CSMD1: variants seen among roughly 807,000 people sequenced by gnomAD.
The protein encoded by CSMD1 is CUB and Sushi multiple domains 1.
In CSMD1, 213 loss-of-function variants were observed where a neutral mutation model predicts 417.5. That is an observed-to-expected ratio of 0.51 (90% CI 0.46 to 0.57). CSMD1 has a LOEUF of 0.57. CSMD1 is among the 20% of genes least tolerant of loss of function. The pLI is 0.00. For missense variants in CSMD1, 6,923 were observed against 4,529.7 expected (o/e 1.53, Z -15.17); for synonymous variants, 2,862 against 1,736.8 (o/e 1.65, Z -16.11).
intron 5 of CSMD1, among the ~76,000 whole-genome samples, chr8:3,787,449 C>T (rs753731474): frequency 1.3e-5 from 2 of 151,884 alleles, no homozygotes; most frequent in Non-Finnish European, 2.9e-5. Context: ...AAATGATATA[C>T]AATAATTCAT....
intron 10 of CSMD1, among the ~76,000 whole-genome samples, chr8:3,517,855 C>G (rs566283526): frequency 6.7e-4 from 102 of 152,304 alleles, no homozygotes; most frequent in Non-Finnish European, 1.2e-3. Context: ...AAATCCTCAA[C>G]TGCAGGCTTA....
At chr8:4,682,994 A>ATAGT (rs1390695448) in intron 1 of CSMD1, among the ~76,000 whole-genome samples, 2 of 131,802 alleles carry the variant, frequency 1.5e-5, no homozygotes, top group East Asian at 4.3e-4. Flanking sequence ...ATATATATAT[A>ATAGT]GTCACACATA....
chr8:3,313,750 C>A (rs1357134197), intron 23 of CSMD1, among the ~76,000 whole-genome samples: 2 of 152,112 alleles, frequency 1.3e-5, no homozygotes, highest in African/African-American at 4.8e-5. Flanking sequence ...TACCATTTGA[C>A]CCAGCCATCC....
chr8:4,932,799 G>C (rs1256737895), intron 1 of CSMD1, among the ~76,000 whole-genome samples: 2 of 152,168 alleles, frequency 1.3e-5, no homozygotes, highest in African/African-American at 2.4e-5. Flanking sequence ...ATTCAATAGA[G>C]TTTTACCCCT....
chr8:4,907,783 C>G (rs978023923), intron 1 of CSMD1, among the ~76,000 whole-genome samples: 1 of 151,220 alleles, frequency 6.6e-6, no homozygotes, highest in Non-Finnish European at 1.5e-5. Context: ...CCAGGCTGCT[C>G]CGAAACCCCT....
rs904435865 is a variant in CSMD1 at position 3,118,676 on chromosome 8, T to G, written c.6242-89A>C. 8.6e-6 allele frequency: 10 copies of G among 1,165,682 alleles called. No homozygotes were observed. In the African/African-American group the frequency reaches 1.5e-4, roughly 18 times the overall value. 72.2% of individuals were successfully genotyped at this position (1,165,682 alleles called of 1,614,324 possible). A position where few individuals can be genotyped will look rare whatever the true frequency, so the allele number is the denominator to read the frequency against. On this transcript the variant is annotated intron_variant, in intron 41 of 69. Coordinates refer to ENST00000635120, the MANE Select transcript of CSMD1 (RefSeq NM_033225.6). ...CAGGAGTGTCATCACATGTGACTGC[T>G]TGAGATGAAGTTGTTGGATAAGTTT...
At chr8:3,567,903 C>A (rs551091028) in intron 10 of CSMD1, among the ~76,000 whole-genome samples, 2 of 152,256 alleles carry the variant, frequency 1.3e-5, no homozygotes. Context: ...TCCTTCCACA[C>A]ATCATCACAC....
intron 12 of CSMD1, among the ~76,000 whole-genome samples, chr8:3,423,249 T>C (rs185849926): frequency 2.5e-4 from 38 of 152,296 alleles, no homozygotes; most frequent in African/African-American, 8.4e-4. Context: ...CTAAAGGTTA[T>C]AGTCATGTAT....
chr8:4,341,218 G>C (rs776457316), intron 3 of CSMD1, among the ~76,000 whole-genome samples: 4 of 152,040 alleles, frequency 2.6e-5, no homozygotes, highest in Non-Finnish European at 5.9e-5. Context: ...AGTTTCCATG[G>C]TACTAGCAAT....
intron 3 of CSMD1, among the ~76,000 whole-genome samples, chr8:4,302,809 G>A (rs77112610): frequency 0.018 from 2,689 of 152,266 alleles, 38 homozygotes; most frequent in South Asian, 0.049. Flanking sequence ...AAGCCAGAGA[G>A]TGAAGTCACA....
At chr8:4,681,344 A>G (rs996730931) in intron 1 of CSMD1, among the ~76,000 whole-genome samples, 3 of 152,122 alleles carry the variant, frequency 2.0e-5, no homozygotes, top group Non-Finnish European at 4.4e-5. Flanking sequence ...TGGTGTTGAA[A>G]CCACCAATAT....
At chr8:3,173,115 C>T (rs1158845855) in intron 37 of CSMD1, among the ~76,000 whole-genome samples, 4 of 152,178 alleles carry the variant, frequency 2.6e-5, no homozygotes, top group Admixed American at 2.6e-4. Context: ...AGGAAGTCAA[C>T]TGAAGCACCA....
Position 4,244,914 on chromosome 8 carries a change from A to G in CSMD1, c.415+175039T>C, listed in dbSNP as rs189410997. Among the ~76,000 whole-genome samples, 21 of 152,356 alleles carry G rather than the reference A, an allele frequency of 1.4e-4. No homozygotes were observed. The East Asian group carries it at 4.0e-3, about 29-fold the overall frequency. On this transcript the variant is annotated intron_variant, in intron 3 of 69. Coordinates refer to ENST00000635120, the MANE Select transcript of CSMD1 (RefSeq NM_033225.6). ...ATATAATGGAGATAACAACATTTAAATCTTCCAATTTGTCATCACCATTGC... is the reference window on the plus strand; with the variant it reads ...ATATAATGGAGATAACAACATTTAAGTCTTCCAATTTGTCATCACCATTGC...
At chr8:4,573,954 A>G (rs1799012276) in intron 2 of CSMD1, among the ~76,000 whole-genome samples, 1 of 152,138 alleles carries the variant, frequency 6.6e-6, no homozygotes, top group Non-Finnish European at 1.5e-5. Flanking sequence ...AGCCTCAGTA[A>G]TGGCAGACAT....
chr8:3,539,795 C>A (rs949919247), intron 10 of CSMD1, among the ~76,000 whole-genome samples: 3 of 150,578 alleles, frequency 2.0e-5, no homozygotes, highest in Admixed American at 2.0e-4. Context: ...AAAGAAAATG[C>A]CTACAAAAAA....
At chr8:4,810,431 TA>T (rs1486350891) in intron 1 of CSMD1, among the ~76,000 whole-genome samples, 1 of 152,196 alleles carries the variant, frequency 6.6e-6, no homozygotes, top group Non-Finnish European at 1.5e-5. Flanking sequence ...GCAGGGAAAC[TA>T]AACAAGGCCT....
chr8:4,625,202 T>C (rs890436105), intron 2 of CSMD1, among the ~76,000 whole-genome samples: 5 of 150,590 alleles, frequency 3.3e-5, no homozygotes, highest in Non-Finnish European at 5.9e-5. Context: ...GGCAACCTCG[T>C]CTACACAGCA....
chr8:4,609,770 A>T (rs1332752523), intron 2 of CSMD1, among the ~76,000 whole-genome samples: 1 of 152,222 alleles, frequency 6.6e-6, no homozygotes. Context: ...AAGTACTGAA[A>T]CAGGAACAAA....
chr8:3,178,351 T>C (rs1821072161), intron 37 of CSMD1, among the ~76,000 whole-genome samples: 1 of 152,000 alleles, frequency 6.6e-6, no homozygotes. Context: ...GCCCAGGTTT[T>C]AGAACCAGGC....
Sources: allele counts gnomAD v4.1 joint callset (sites outside exome capture counted in the v4.1 genomes callset), GRCh38; gene constraint gnomAD v4.1.1; transcripts MANE v1.5; gene names NCBI Gene and HGNC (gene_info 2026-07-23, HGNC 2026-07-21).